Variants in GRAMD2B observed in about 807,000 individuals in gnomAD.
The protein encoded by GRAMD2B is GRAM domain containing 2B.
In GRAMD2B, 41 loss-of-function variants were observed where a neutral mutation model predicts 59.2. The observed-to-expected ratio is 0.69, with a 90% confidence interval of 0.54 to 0.90. The LOEUF (loss-of-function observed/expected upper bound fraction) is 0.90. GRAMD2B is among the 40% of genes least tolerant of loss of function. GRAMD2B has a pLI of 0.00. For synonymous variants in GRAMD2B, 161 were observed against 182.7 expected, an observed-to-expected ratio of 0.88 and a Z score of 0.96; for missense variants, 424 against 500.5, an observed-to-expected ratio of 0.85 and a Z score of 1.46.
upstream of GRAMD2B, among the ~76,000 whole-genome samples, chr5:126,367,167 C>CT (rs200759076): frequency 6.6e-6 from 1 of 151,958 alleles, no homozygotes; most frequent in African/African-American, 2.4e-5. Context: ...CAGACCAAGG[C>CT]TTTTTTTATC....
chr5:126,405,214 AC>A (rs1406176299), intron 1 of GRAMD2B, among the ~76,000 whole-genome samples: 32 of 152,018 alleles, frequency 2.1e-4, no homozygotes, highest in Admixed American at 1.5e-3. Context: ...GCCCATTTGG[AC>A]CCAATATAAC....
intron 1 of GRAMD2B, among the ~76,000 whole-genome samples, chr5:126,376,182 G>A (rs1755167617): frequency 6.6e-6 from 1 of 152,238 alleles, no homozygotes; most frequent in Non-Finnish European, 1.5e-5. Flanking sequence ...AAGTTGCTCA[G>A]TGGAGTTAGT....
intron 1 of GRAMD2B, among the ~76,000 whole-genome samples, chr5:126,413,872 T>G (rs977257262): frequency 2.0e-5 from 3 of 152,180 alleles, no homozygotes; most frequent in African/African-American, 7.2e-5. Flanking sequence ...TTGCTACTAC[T>G]ATTCCCATTT....
At chr5:126,373,440 C>T in intron 1 of GRAMD2B, among the ~76,000 whole-genome samples, 1 of 152,186 alleles carries the variant, frequency 6.6e-6, no homozygotes, top group East Asian at 1.9e-4. Context: ...CAACAAGCCA[C>T]TTCAAATAGG....
At chr5:126,400,194 C>T (rs1009553844) in intron 1 of GRAMD2B, among the ~76,000 whole-genome samples, 1 of 151,670 alleles carries the variant, frequency 6.6e-6, no homozygotes, top group Non-Finnish European at 1.5e-5. Context: ...CAAATGATAA[C>T]CAAAAGAAAG....
chr5:126,444,144 A>G (rs759855592), intron 1 of GRAMD2B, among the ~76,000 whole-genome samples: 2 of 152,066 alleles, frequency 1.3e-5, no homozygotes, highest in Non-Finnish European at 2.9e-5. Context: ...AAAGAAGATT[A>G]TTCCAAGAAA....
At chr5:126,409,518 A>C (rs1262898331) in intron 1 of GRAMD2B, among the ~76,000 whole-genome samples, 33 of 151,932 alleles carry the variant, frequency 2.2e-4, no homozygotes, top group African/African-American at 4.8e-4. Flanking sequence ...GTCCTTCGCC[A>C]ACTTTTTGAT....
chr5:126,438,099 C>G (rs1255196382), intron 1 of GRAMD2B, among the ~76,000 whole-genome samples: 1 of 152,170 alleles, frequency 6.6e-6, no homozygotes, highest in Non-Finnish European at 1.5e-5. Flanking sequence ...GAAGCATAAG[C>G]TCTTGATGTT....
At chr5:126,367,582 A>C (rs2149687244), upstream of GRAMD2B, among the ~76,000 whole-genome samples, 1 of 152,298 alleles carries the variant, frequency 6.6e-6, no homozygotes, top group East Asian at 1.9e-4. Flanking sequence ...TTATTTATGG[A>C]ATCCAGAATG....
chr5:126,423,266 G>C, upstream of GRAMD2B: 1 of 1,136,422 alleles, frequency 8.8e-7, no homozygotes, highest in Non-Finnish European at 1.1e-6. Context: ...CACCTGCTTG[G>C]CCAATTAGCT....
chr5:126,485,057 T>G (rs1051512291), intron 10 of GRAMD2B, among the ~76,000 whole-genome samples: 2 of 152,342 alleles, frequency 1.3e-5, no homozygotes, highest in Admixed American at 6.5e-5. Context: ...TTCATGATTC[T>G]GAATACATGA....
intron 1 of GRAMD2B, among the ~76,000 whole-genome samples, chr5:126,439,625 G>A (rs1220781076): frequency 6.6e-6 from 1 of 152,028 alleles, no homozygotes; most frequent in African/African-American, 2.4e-5. Context: ...GGCCAAAATT[G>A]ATTGTATTTT....
chr5:126,467,972 T>C (rs919978156), intron 2 of GRAMD2B, among the ~76,000 whole-genome samples: 1 of 152,228 alleles, frequency 6.6e-6, no homozygotes, highest in African/African-American at 2.4e-5. Flanking sequence ...GACACCCATG[T>C]ACCACCTGAA....
At chr5:126,368,510 T>C (rs751517117), upstream of GRAMD2B, among the ~76,000 whole-genome samples, 4 of 152,240 alleles carry the variant, frequency 2.6e-5, no homozygotes, top group African/African-American at 4.8e-5. Flanking sequence ...TATCAAGAAG[T>C]GAAATTCACC....
intron 1 of GRAMD2B, among the ~76,000 whole-genome samples, chr5:126,386,998 G>A (rs1756205233): frequency 6.6e-6 from 1 of 152,050 alleles, no homozygotes; most frequent in Non-Finnish European, 1.5e-5. Context: ...CCTAGTGAGA[G>A]CCAAACAAAG....
chr5:126,385,099 G>C (rs545594873), intron 1 of GRAMD2B, among the ~76,000 whole-genome samples: 1 of 152,256 alleles, frequency 6.6e-6, no homozygotes, highest in South Asian at 2.1e-4. Context: ...CCCTTGCTGG[G>C]AGTGCTGCTG....
At chr5:126,369,773 C>G (rs959191122), upstream of GRAMD2B, among the ~76,000 whole-genome samples, 2 of 151,982 alleles carry the variant, frequency 1.3e-5, no homozygotes, top group African/African-American at 4.8e-5. Context: ...AGGAATTGCC[C>G]CTGTTTAATC....
rs547621704 is a variant in GRAMD2B at position 126,401,228 on chromosome 5, T to C, written c.125+29661T>C. Among the ~76,000 whole-genome samples the C allele has an allele frequency of 2.0e-5, 3 of 152,180 alleles. No individual in the cohort carries two copies. In the South Asian group the frequency reaches 6.2e-4, roughly 32 times the overall value. ...CTCATGCTTGATCAAGTTTGTTGCT[T>C]AAGCTCTCTATTGAATTTTTCAGTC... On this transcript the variant is annotated intron_variant, in intron 1 of 8. Coordinates refer to the GRAMD2B transcript ENST00000506445.
At chr5:126,485,858 T>C (rs1772811858) in intron 11 of GRAMD2B, 85 bp downstream of exon 11, 1 of 770,126 alleles carries the variant, frequency 1.3e-6, no homozygotes, top group Non-Finnish European at 2.1e-6. Flanking sequence ...CAAGACCTAC[T>C]GTAAATCTCA....
Sources: allele counts gnomAD v4.1 joint callset (sites outside exome capture counted in the v4.1 genomes callset), GRCh38; gene constraint gnomAD v4.1.1; transcripts MANE v1.5; gene names NCBI Gene and HGNC (gene_info 2026-07-23, HGNC 2026-07-21).